The following DMD variants were observed in gnomAD, a reference collection of about 807,000 sequenced individuals.
DMD encodes the protein dystrophin.
A neutral mutation model predicts 330.1 loss-of-function variants in DMD; 63 were observed. That is an observed-to-expected ratio of 0.19 (90% CI 0.16 to 0.24). The LOEUF is 0.24. Ranked by LOEUF, DMD falls within the 10% of genes least tolerant of loss-of-function variation. The pLI, the probability that DMD is intolerant of heterozygous loss-of-function variation, is 1.00. For synonymous variants in DMD, 1,223 were observed against 959.8 expected, an observed-to-expected ratio of 1.27 and a Z score of -5.07; for missense variants, 3,344 against 2,684.1, an observed-to-expected ratio of 1.25 and a Z score of -5.43.
At chrX:31,429,156 C>G (rs1016914721) in intron 60 of DMD, among the ~76,000 whole-genome samples, 5 of 110,455 alleles carry the variant, frequency 4.5e-5, no homozygotes, top group Non-Finnish European at 9.5e-5. Context: ...ACATGTTAAT[C>G]CTGCAGAATG....
chrX:32,252,835 TATATATAA>T (rs1212842972), intron 43 of DMD, among the ~76,000 whole-genome samples: 2 of 56,119 alleles, frequency 3.6e-5, no homozygotes, highest in East Asian at 3.8e-4. Flanking sequence ...TATATATAAA[TATATATAA>T]ATATATAAAT....
In DMD at chrX:32,215,837, C is replaced by T. The variant is rs1247706157; in HGVS notation, c.6438+1079G>A. Among the ~76,000 whole-genome samples, 5 of 111,713 alleles carry T rather than the reference C, an allele frequency of 4.5e-5. No individual in the cohort carries two copies. The East Asian group carries it at 8.4e-4, about 19-fold the overall frequency. ...CATTTCCTCTCTATACAAATGCCAA[C>T]GCTGGTGTGCATGCAAGTTTGATTG... On this transcript the variant is annotated intron_variant, in intron 44 of 78. Transcript: ENST00000357033.
At chrX:32,631,081 C>T (rs935284500) in intron 11 of DMD, among the ~76,000 whole-genome samples, 2 of 112,202 alleles carry the variant, frequency 1.8e-5, no homozygotes, top group African/African-American at 6.5e-5. Context: ...GTGACTCTTG[C>T]AGACTGTTAA....
At chrX:31,250,763 A>G (rs1298651888) in intron 63 of DMD, among the ~76,000 whole-genome samples, 1 of 111,318 alleles carries the variant, frequency 9.0e-6, no homozygotes, top group South Asian at 3.8e-4. Flanking sequence ...GCACCACCTA[A>G]AAATCTGTGA....
intron 17 of DMD, among the ~76,000 whole-genome samples, chrX:32,538,059 T>A (rs1033649695): frequency 8.9e-6 from 1 of 112,030 alleles, no homozygotes; most frequent in African/African-American, 3.2e-5. Flanking sequence ...TTCTAGTGGA[T>A]GAAACAAGCA....
At chrX:32,229,680 T>TAATA (rs2097160894) in intron 43 of DMD, among the ~76,000 whole-genome samples, 1 of 26,920 alleles carries the variant, frequency 3.7e-5, no homozygotes, top group African/African-American at 1.4e-4. Context: ...AAGAGTTTCA[T>TAATA]CATATATATA....
intron 48 of DMD, among the ~76,000 whole-genome samples, chrX:31,866,122 CCTT>C (rs1232354924): frequency 5.4e-5 from 6 of 111,671 alleles, no homozygotes; most frequent in African/African-American, 1.6e-4. Flanking sequence ...CACCATTCCT[CCTT>C]CTTCCTTTGA....
At chrX:32,167,284 T>C (rs906942344) in intron 44 of DMD, among the ~76,000 whole-genome samples, 6 of 112,567 alleles carry the variant, frequency 5.3e-5, no homozygotes, top group Non-Finnish European at 7.5e-5. Context: ...TGCTTAGAGT[T>C]GTATCACATT....
chrX:31,902,730 A>G (rs2094437855), intron 47 of DMD, among the ~76,000 whole-genome samples: 1 of 111,871 alleles, frequency 8.9e-6, no homozygotes, highest in Admixed American at 9.5e-5. Flanking sequence ...TATAAGACCA[A>G]AAGAAATCCA....
intron 9 of DMD, among the ~76,000 whole-genome samples, chrX:32,689,867 C>T (rs1272627922): frequency 9.1e-6 from 1 of 109,896 alleles, no homozygotes; most frequent in African/African-American, 3.3e-5. Context: ...TAAAAAAAAC[C>T]ATTAAACTCT....
chrX:33,047,577 T>G lies in DMD; in HGVS notation c.32-27377A>C, dbSNP rs181795450. 9.7e-4 allele frequency among the ~76,000 whole-genome samples: 108 copies of G among 111,913 alleles called. 1 individual carries two copies. The highest frequency in any genetic ancestry group is 3.4e-3 in the African/African-American group (105 of 30,881). ...AGTACCTTAGAAATAAAAACAAAAA[T>G]TAAAACAGATCTTTATCTTTTAAAA... On this transcript the variant is annotated intron_variant, in intron 1 of 78. Coordinates refer to ENST00000357033, the MANE Select transcript of DMD (RefSeq NM_004006.3).
intron 2 of DMD, among the ~76,000 whole-genome samples, chrX:32,859,431 G>A (rs1290137777): frequency 2.9e-5 from 3 of 105,207 alleles, no homozygotes; most frequent in Non-Finnish European, 3.9e-5. Flanking sequence ...TCGTGCCACT[G>A]CACTCCGGCC....
At chrX:32,360,788 C>A (rs2097829607) in intron 37 of DMD, among the ~76,000 whole-genome samples, 1 of 70,240 alleles carries the variant, frequency 1.4e-5, no homozygotes, top group Admixed American at 1.9e-4. Flanking sequence ...CTCCACCACA[C>A]ACACACACAC....
At chrX:31,210,622 T>C (rs2044561334) in intron 64 of DMD, among the ~76,000 whole-genome samples, 1 of 112,203 alleles carries the variant, frequency 8.9e-6, no homozygotes, top group Admixed American at 9.5e-5. Flanking sequence ...CTGGTTGGAA[T>C]TCTCAGTCCT....
chrX:32,887,873 T>C (rs960054427), intron 2 of DMD, among the ~76,000 whole-genome samples: 4 of 109,216 alleles, frequency 3.7e-5, no homozygotes, highest in Non-Finnish European at 5.7e-5. Flanking sequence ...CAAATGAAGT[T>C]GCATCAACCT....
At chrX:33,269,514 G>A (rs772705682) in intron 1 of DMD, among the ~76,000 whole-genome samples, 2 of 110,814 alleles carry the variant, frequency 1.8e-5, no homozygotes, top group South Asian at 3.9e-4. Context: ...GCAATATACC[G>A]TTTTAACAAA....
At chrX:32,071,203 T>C (rs1014723051) in intron 44 of DMD, among the ~76,000 whole-genome samples, 1 of 110,301 alleles carries the variant, frequency 9.1e-6, no homozygotes, top group African/African-American at 3.3e-5. Flanking sequence ...CTGGGTCAAA[T>C]GGTAATTCTA....
intron 1 of DMD, among the ~76,000 whole-genome samples, chrX:33,153,630 T>C (rs975226464): frequency 8.9e-6 from 1 of 112,781 alleles, no homozygotes; most frequent in African/African-American, 3.2e-5. Flanking sequence ...TTGAAATATA[T>C]AATTGTTTAA....
intron 7 of DMD, among the ~76,000 whole-genome samples, chrX:32,748,235 C>T (rs1002207481): frequency 7.5e-5 from 8 of 107,077 alleles, no homozygotes; most frequent in Admixed American, 2.0e-4. Flanking sequence ...CCCAGCTACT[C>T]GGGGAGGCTG....
Sources: gnomAD v4.1 joint callset for allele counts (sites outside exome capture counted in the v4.1 genomes callset) on GRCh38, gnomAD v4.1.1 for gene constraint, MANE v1.5 for transcripts, NCBI Gene and HGNC (gene_info 2026-07-23, HGNC 2026-07-21) for gene names.